The following ZNF251 variants were observed in gnomAD, a reference collection of about 807,000 sequenced individuals.
The protein encoded by ZNF251 is zinc finger protein 251.
A neutral mutation model predicts 13.5 loss-of-function variants in ZNF251; 14 were observed. The ratio of observed to expected loss-of-function variants is 1.04; its 90% CI spans 0.69 to 1.63. ZNF251 has a LOEUF of 1.63. Ranked by LOEUF, ZNF251 falls within the 40% of genes most tolerant of loss-of-function variation. The pLI, the probability that ZNF251 is intolerant of heterozygous loss-of-function variation, is 0.00. For synonymous variants in ZNF251, 287 were observed against 295.2 expected, an observed-to-expected ratio of 0.97 and a Z score of 0.28; for missense variants, 764 against 834.9, an observed-to-expected ratio of 0.92 and a Z score of 1.05.
chr8:144,739,184 C>A (rs1446900846), intron 4 of ZNF251, among the ~76,000 whole-genome samples: 1 of 151,464 alleles, frequency 6.6e-6, no homozygotes, highest in Non-Finnish European at 1.5e-5. Context: ...AAACCAGGAT[C>A]ACAAATCACA....
chr8:144,730,018 T>G (rs573011890), intron 4 of ZNF251: 1 of 985,278 alleles, frequency 1.0e-6, no homozygotes, highest in African/African-American at 1.7e-5. Flanking sequence ...CAGGAGCGGG[T>G]GCCCTCACCC....
intron 4 of ZNF251, among the ~76,000 whole-genome samples, chr8:144,732,103 T>A (rs1425813406): frequency 6.6e-6 from 1 of 151,986 alleles, no homozygotes; most frequent in Non-Finnish European, 1.5e-5. Context: ...CCACCACGCC[T>A]GGCTAATTTT....
At position 144,721,972 on chromosome 8, in the gene ZNF251, T is replaced by C. The variant is rs373568652; in HGVS notation, c.1688A>G (p.Glu563Gly). The change falls in exon 5 of 5, where the codon GAG (glutamate) becomes GGG (glycine). Residue 563 changes from glutamate (E) to glycine (G), a missense_variant. Coordinates refer to ENST00000292562, the MANE Select transcript of ZNF251 (RefSeq NM_138367.2). ...ATATTCATTACATCCAAAGGATTTC[T>C]CACCAGTGTGAACTGTCCAGCGCAG... ...LILRWTVHTG[E>G]KSFGCNEYGK... The C allele has an allele frequency of 6.5e-6, 10 of 1,533,666 alleles. No individual in the cohort carries two copies. The highest frequency in any genetic ancestry group is 7.9e-6 in the Non-Finnish European group (9 of 1,140,572).
rs558226896 is a variant in ZNF251, at chr8:144,732,673, G to T, written c.278-9291C>A. Among the ~76,000 whole-genome samples the T allele has an allele frequency of 1.6e-3, 250 of 152,200 alleles. 1 individual carries two copies. The highest frequency in any genetic ancestry group is 2.4e-3 in the Non-Finnish European group (163 of 68,006). On this transcript the variant is annotated intron_variant, in intron 4 of 4. Transcript: ENST00000292562. ...TAAAAATACAAAAAATTAGCTGGGT[G>T]TGGTGGCAGGCACTTATAGTCCCAG...
intron 4 of ZNF251, among the ~76,000 whole-genome samples, chr8:144,740,708 C>T (rs983961958): frequency 1.3e-5 from 2 of 151,634 alleles, no homozygotes; most frequent in Non-Finnish European, 2.9e-5. Context: ...CTGAGGCGGG[C>T]AGATTGCCTA....
intron 4 of ZNF251, among the ~76,000 whole-genome samples, chr8:144,729,326 T>C (rs1322949432): frequency 8.1e-6 from 1 of 124,210 alleles, no homozygotes; most frequent in African/African-American, 3.0e-5. Flanking sequence ...CTTTTATTTA[T>C]TTATTTTTAT....
In ZNF251 at chr8:144,722,009, C is replaced by A; in HGVS notation, c.1651G>T (p.Ala551Ser). ...EKHGRAFNHG[A>S]NLILRWTVHT... Reference sequence around the variant, plus strand: ...ACTGTCCAGCGCAGAATGAGATTTGCACCATGGTTAAAGGCTCTGCCGTGC... The same window carrying A: ...ACTGTCCAGCGCAGAATGAGATTTGAACCATGGTTAAAGGCTCTGCCGTGC... Residue 551 changes from alanine (A) to serine (S), a missense_variant, in exon 5 of 5, where the codon GCA (alanine) becomes TCA (serine). Coordinates refer to ENST00000292562, the MANE Select transcript of ZNF251 (RefSeq NM_138367.2). The surrounding 1 kb of genome is among the most constrained non-coding windows in gnomAD (Gnocchi z 4.8). 3 of 1,596,278 alleles carry A rather than the reference C, an allele frequency of 1.9e-6. No individual in the cohort carries two copies. Among genetic ancestry groups the A allele is most frequent in the Non-Finnish European group, 2.6e-6 (3 of 1,171,118 alleles).
chr8:144,736,387 C>A (rs547327590), intron 4 of ZNF251, among the ~76,000 whole-genome samples: 3 of 152,108 alleles, frequency 2.0e-5, no homozygotes, highest in Non-Finnish European at 4.4e-5. Context: ...CCTGAGGAGC[C>A]TACAAAAGGG....
chr8:144,732,777 A>G (rs553096933), intron 4 of ZNF251, among the ~76,000 whole-genome samples: 3 of 146,694 alleles, frequency 2.0e-5, no homozygotes, highest in Admixed American at 7.1e-5. Flanking sequence ...GCACCACTGC[A>G]CTCCAGCCTG....
chr8:144,736,048 C>G (rs1395029726), intron 4 of ZNF251, among the ~76,000 whole-genome samples: 1 of 152,176 alleles, frequency 6.6e-6, no homozygotes, highest in East Asian at 1.9e-4. Context: ...AGAACCGGAC[C>G]CTCATGGGCC....
chr8:144,733,419 G>A (rs546338563), intron 4 of ZNF251, among the ~76,000 whole-genome samples: 9 of 152,278 alleles, frequency 5.9e-5, no homozygotes, highest in Non-Finnish European at 1.0e-4. Flanking sequence ...AGCTGCCTCC[G>A]CATGTGCTAT....
intron 4 of ZNF251, chr8:144,753,442 C>T (rs1824795916): frequency 4.6e-6 from 2 of 434,184 alleles, no homozygotes; most frequent in African/African-American, 2.0e-5. Flanking sequence ...AGGTAAATCA[C>T]CAAAACAAAA....
chr8:144,729,707 T>A (rs1823636383), intron 4 of ZNF251, among the ~76,000 whole-genome samples: 1 of 151,904 alleles, frequency 6.6e-6, no homozygotes, highest in Non-Finnish European at 1.5e-5. Context: ...TAAAAATAGA[T>A]CTCTTGGGAT....
intron 4 of ZNF251, among the ~76,000 whole-genome samples, chr8:144,741,405 C>T (rs971234938): frequency 3.3e-5 from 5 of 152,192 alleles, no homozygotes. Context: ...CATGTACATA[C>T]ACACGATGCA....
In ZNF251 at chr8:144,747,326, A is replaced by G. The variant is rs139285771; in HGVS notation, c.277+6357T>C. Among the ~76,000 whole-genome samples, 22 of 152,218 alleles carry G rather than the reference A, an allele frequency of 1.4e-4. No individual in the cohort carries two copies. The East Asian group carries it at 3.7e-3, about 25-fold the overall frequency. On this transcript the variant is annotated intron_variant, in intron 4 of 4. Coordinates refer to ENST00000292562, the MANE Select transcript of ZNF251 (RefSeq NM_138367.2). ...ATTGTGGTCTGAGAATAGACATTCT[A>G]TGTTTTCTATTCTTCAAGTATGTTA...
intron 4 of ZNF251, among the ~76,000 whole-genome samples, chr8:144,743,284 G>A (rs903977815): frequency 6.6e-6 from 1 of 152,036 alleles, no homozygotes; most frequent in African/African-American, 2.4e-5. Flanking sequence ...GGCTCGTCTC[G>A]AACTGCTGAC....
Position 144,722,515 on chromosome 8 carries a change from C to T in ZNF251, c.1145G>A (p.Cys382Tyr). The T allele has an allele frequency of 1.2e-6, 2 of 1,613,964 alleles. No individual in the cohort carries two copies. Among genetic ancestry groups the T allele is most frequent in the Middle Eastern group, 1.7e-4 (1 of 6,060 alleles). Residue 382 changes from cysteine (C) to tyrosine (Y), a missense_variant, in exon 5 of 5, where the codon TGT becomes TAT. Physicochemically the swap from Cys to Tyr is radical, Grantham distance 194. Transcript: ENST00000292562. This position sits in a 1 kb window ranked among gnomAD's most constrained non-coding sequence, Gnocchi z 4.8. ...TGEKPHKCNQ[C>Y]GKAFSQSSSL... ...TGAGCTCTGACTGAAGGCCTTCCCA[C>T]ACTGATTGCATTTATGGGGCTTCTC...
rs1824205094 is a variant in ZNF251, at chr8:144,742,410, CTTTAT to C, written c.277+11268_277+11272del. On this transcript the variant is annotated intron_variant, in intron 4 of 4. Transcript: ENST00000292562. ...GAAACATGAGATTTTTTTGAAAATA[CTTTAT>C]TTTTAGAGCATTTCACAGCAATATT... Among the ~76,000 whole-genome samples, 3 of 151,888 alleles carry C rather than the reference CTTTAT, an allele frequency of 2.0e-5. No individual in the cohort carries two copies. The South Asian group carries it at 6.2e-4, about 31-fold the overall frequency.
intron 4 of ZNF251, among the ~76,000 whole-genome samples, chr8:144,728,176 G>A (rs752287828): frequency 3.3e-5 from 5 of 152,092 alleles, no homozygotes; most frequent in Non-Finnish European, 7.4e-5. Context: ...TTTCGATATT[G>A]CTGAGTCTCA....
Sources: gnomAD v4.1 joint callset for allele counts (sites outside exome capture counted in the v4.1 genomes callset) on GRCh38, gnomAD v4.1.1 for gene constraint, Gnocchi (gnomAD v3.1) non-coding constraint, MANE v1.5 for transcripts, NCBI Gene and HGNC (gene_info 2026-07-23, HGNC 2026-07-21) for gene names.